KAZN: variants seen among roughly 807,000 people sequenced by gnomAD.
The protein encoded by KAZN is kazrin.
A neutral mutation model predicts 87.4 loss-of-function variants in KAZN; 40 were observed. The observed-to-expected ratio is 0.46, with a 90% CI of 0.36 to 0.60. KAZN has a LOEUF of 0.60. Among genes scored for constraint, KAZN ranks in the 20% least tolerant of loss-of-function variants. The pLI, the probability that KAZN is intolerant of heterozygous loss-of-function variation, is 0.00. For missense variants in KAZN, 898 were observed against 1,073.9 expected (o/e 0.84, Z 2.29); for synonymous variants, 466 against 458.3 (o/e 1.02, Z -0.22).
intron 2 of KAZN, among the ~76,000 whole-genome samples, chr1:14,501,522 T>C (rs1670252793): frequency 6.6e-6 from 1 of 152,194 alleles, no homozygotes; most frequent in Non-Finnish European, 1.5e-5. Context: ...GAAATAAAAT[T>C]TTAAAAACAA....
chr1:15,053,108 G>C (rs550121055), intron 4 of KAZN, among the ~76,000 whole-genome samples: 9 of 152,346 alleles, frequency 5.9e-5, no homozygotes, highest in Admixed American at 2.6e-4. Flanking sequence ...CAGCCTGGGT[G>C]CTTATTTCTC....
rs138669833 is a variant in KAZN, at chr1:14,879,523, T to G, written c.227-81161T>G. Among the ~76,000 whole-genome samples the G allele has an allele frequency of 3.9e-3, 601 of 152,318 alleles. 3 individuals carry two copies. The highest frequency in any genetic ancestry group is 0.014 in the African/African-American group (570 of 41,574). ...CCAGCCAGCCAAAGCAAAACGGCCC[T>G]GGGTGATCTGTCAATATCACAATCC... On this transcript the variant is annotated intron_variant, in intron 1 of 14. Transcript: ENST00000376030.
chr1:14,842,985 T>C (rs998416499), intron 1 of KAZN, among the ~76,000 whole-genome samples: 5 of 152,200 alleles, frequency 3.3e-5, no homozygotes, highest in Non-Finnish European at 7.3e-5. Flanking sequence ...GAAACATCTC[T>C]TATAGACATT....
At chr1:14,241,752 A>G (rs2100578750) in intron 2 of KAZN, among the ~76,000 whole-genome samples, 1 of 152,334 alleles carries the variant, frequency 6.6e-6, no homozygotes, top group East Asian at 1.9e-4. Flanking sequence ...GCTGTATTGA[A>G]GAGGACTCAA....
At chr1:14,190,252 C>T (rs963630332) in intron 2 of KAZN, among the ~76,000 whole-genome samples, 8 of 152,158 alleles carry the variant, frequency 5.3e-5, no homozygotes, top group East Asian at 3.9e-4. Flanking sequence ...CATTGCAGAG[C>T]GATGTGAAAA....
chr1:15,079,240 C>A (rs528601835), intron 8 of KAZN, among the ~76,000 whole-genome samples: 1 of 152,230 alleles, frequency 6.6e-6, no homozygotes, highest in South Asian at 2.1e-4. Context: ...AGAGGCTCAG[C>A]TGAGCCAGAA....
chr1:14,940,017 C>T (rs1002163254), intron 1 of KAZN, among the ~76,000 whole-genome samples: 4 of 152,134 alleles, frequency 2.6e-5, no homozygotes, highest in Non-Finnish European at 5.9e-5. Context: ...ACCCCTGAAG[C>T]GCTTAAATGC....
intron 1 of KAZN, among the ~76,000 whole-genome samples, chr1:14,107,831 G>T (rs1221055565): frequency 2.6e-5 from 4 of 152,142 alleles, no homozygotes; most frequent in Admixed American, 6.5e-5. Flanking sequence ...GGTGATGACT[G>T]CTCAATTCTG....
At position 14,230,300 on chromosome 1, in the gene KAZN, T is replaced by C. The variant is rs79872186; in HGVS notation, c.249+49708T>C. 6.2e-4 allele frequency among the ~76,000 whole-genome samples: 94 copies of C among 152,308 alleles called. 2 individuals carry two copies. The East Asian group carries it at 0.018, about 29-fold the overall frequency. The stretch of plus-strand genomic sequence containing the variant: ...GAAGTTGTTTCTTACAAAAAACTAA[T>C]AACACTTGAAATAAACCCTTGCCAT... On this transcript the variant is annotated intron_variant, in intron 2 of 16. Transcript: ENST00000636203.
At chr1:14,945,802 G>C (rs1661700412) in intron 1 of KAZN, 2 of 890,094 alleles carry the variant, frequency 2.2e-6, no homozygotes, top group South Asian at 5.2e-5. Flanking sequence ...CCACGGCCTC[G>C]AGAGCCTCCC....
intron 1 of KAZN, among the ~76,000 whole-genome samples, chr1:14,668,615 T>G (rs1199520605): frequency 1.3e-5 from 2 of 152,062 alleles, no homozygotes; most frequent in African/African-American, 4.8e-5. Flanking sequence ...TTCCTCTCTC[T>G]TCTTCTCTGT....
intron 8 of KAZN, among the ~76,000 whole-genome samples, chr1:15,085,917 T>C (rs541602781): frequency 1.3e-5 from 2 of 152,120 alleles, no homozygotes; most frequent in South Asian, 4.1e-4. Context: ...CAGAATAAAT[T>C]TGAAATATCC....
In KAZN at chr1:14,462,003, C is replaced by A. The variant is rs539274318; in HGVS notation, c.250-136980C>A. 8.4e-4 allele frequency among the ~76,000 whole-genome samples: 128 copies of A among 151,956 alleles called. 2 individuals carry two copies. The Middle Eastern group carries it at 0.01, about 12-fold the overall frequency. ...ATTTCATCTTGAATTATAGCTCCCA[C>A]AATTTCCATGAAAATGGGAATATTT... is the stretch of plus-strand genomic sequence containing the variant. On this transcript the variant is annotated intron_variant, in intron 2 of 16. Coordinates refer to the KAZN transcript ENST00000636203.
At chr1:14,077,096 C>T (rs1289710420) in intron 1 of KAZN, among the ~76,000 whole-genome samples, 2 of 152,142 alleles carry the variant, frequency 1.3e-5, no homozygotes, top group African/African-American at 2.4e-5. Context: ...GTTGCTTCCT[C>T]GGGCCACCTT....
intron 1 of KAZN, among the ~76,000 whole-genome samples, chr1:13,935,919 TTA>T (rs1305940596): frequency 3.3e-5 from 5 of 150,362 alleles, no homozygotes; most frequent in Non-Finnish European, 5.9e-5. Context: ...GATAAATTAT[TTA>T]ATATATGTAC....
chr1:14,420,750 T>C (rs1169039182), intron 2 of KAZN, among the ~76,000 whole-genome samples: 2 of 152,110 alleles, frequency 1.3e-5, no homozygotes, highest in Non-Finnish European at 2.9e-5. Flanking sequence ...GCCCAGGTGC[T>C]AAGCCCCTCA....
chr1:15,026,710 C>G (rs1325984073), intron 2 of KAZN, among the ~76,000 whole-genome samples: 2 of 90,882 alleles, frequency 2.2e-5, no homozygotes, highest in Non-Finnish European at 4.3e-5. Flanking sequence ...AACCAAGGAT[C>G]GAAAATAATT....
At chr1:13,991,214 C>G (rs186060962) in intron 1 of KAZN, among the ~76,000 whole-genome samples, 2 of 152,100 alleles carry the variant, frequency 1.3e-5, no homozygotes. Flanking sequence ...TGCACTGTGA[C>G]TGATTTCAAG....
At position 14,681,628 on chromosome 1, in the gene KAZN, TATATATATATATATATATATATATATATA is replaced by T. The variant is rs1419828158; in HGVS notation, c.226+82406_226+82434del. Among the ~76,000 whole-genome samples, 18 of 11,274 alleles carry T rather than the reference TATATATATATATATATATATATATATATA, an allele frequency of 1.6e-3. 1 individual carries two copies. Among genetic ancestry groups the T allele is most frequent in the Middle Eastern group, 0.017 (1 of 60 alleles). 7.4% of individuals were successfully genotyped at this position (11,274 alleles called of 152,430 possible). A position where few individuals can be genotyped will look rare whatever the true frequency, so the allele number is the denominator to read the frequency against. Reference sequence around the variant, plus strand: ...ATGTATATGTGTATATATATATATATATATATATATATATATATATATATATATATTTTTTTTTTTTTTTTTTTTTTTTT... The same window carrying T: ...ATGTATATGTGTATATATATATATATTTTTTTTTTTTTTTTTTTTTTTTTT... On this transcript the variant is annotated intron_variant, in intron 1 of 14. Transcript: ENST00000376030.
Sources: allele counts gnomAD v4.1 joint callset (sites outside exome capture counted in the v4.1 genomes callset), GRCh38; gene constraint gnomAD v4.1.1; transcripts MANE v1.5; gene names NCBI Gene and HGNC (gene_info 2026-07-23, HGNC 2026-07-21).